FBXW7: variants seen among roughly 807,000 people sequenced by gnomAD.
The protein encoded by FBXW7 is F-box/WD repeat-containing protein 7.
A neutral mutation model predicts 86.3 loss-of-function variants in FBXW7; 11 were observed. The ratio of observed to expected loss-of-function variants is 0.13; its 90% CI spans 0.08 to 0.21. The LOEUF (loss-of-function observed/expected upper bound fraction) is 0.21. Among genes scored for constraint, FBXW7 ranks in the 10% least tolerant of loss-of-function variants. The probability of loss-of-function intolerance (pLI) is 1.00; values close to 1 mark genes in which losing one functional copy is unlikely to be tolerated. For synonymous variants in FBXW7, 313 were observed against 297.9 expected (o/e 1.05, Z -0.52); for missense variants, 488 against 847.4 (o/e 0.58, Z 5.27).
chr4:152,522,623 A>C (rs1749130639), intron 2 of FBXW7, among the ~76,000 whole-genome samples: 1 of 152,116 alleles, frequency 6.6e-6, no homozygotes, highest in Non-Finnish European at 1.5e-5. Context: ...ACGAGATACC[A>C]GTAGCACCCT....
intron 2 of FBXW7, among the ~76,000 whole-genome samples, chr4:152,507,396 A>G (rs1265154680): frequency 6.6e-6 from 1 of 152,264 alleles, no homozygotes; most frequent in Non-Finnish European, 1.5e-5. Flanking sequence ...AAAATTAAGG[A>G]AAAAATTCAA....
At chr4:152,326,333 G>T (rs878863411) in intron 11 of FBXW7, 102 bp from the exon 12 acceptor site, 87 of 644,064 alleles carry the variant, frequency 1.4e-4, no homozygotes, top group Non-Finnish European at 1.6e-4. Context: ...AGGTTTTTTA[G>T]CTTTTTTTTT....
At chr4:152,520,790 T>C (rs930453651) in intron 2 of FBXW7, among the ~76,000 whole-genome samples, 3 of 152,270 alleles carry the variant, frequency 2.0e-5, no homozygotes, top group South Asian at 2.1e-4. Flanking sequence ...GAGTCAAAAA[T>C]AGGAAGGTCG....
In FBXW7 at chr4:152,483,383, T is replaced by C. The variant is rs139444134; in HGVS notation, c.-120+51558A>G. ...TCAAATCTGTTTCCCTTTTTAGATA[T>C]ATGGCTCTTTATAGGGAAAAAAAAA... On this transcript the variant is annotated intron_variant, in intron 2 of 13. Coordinates refer to ENST00000281708, the MANE Select transcript of FBXW7 (RefSeq NM_001349798.2). 1.2e-4 allele frequency among the ~76,000 whole-genome samples: 18 copies of C among 151,474 alleles called. No homozygotes were observed. In the East Asian group the frequency reaches 2.5e-3, roughly 21 times the overall value.
intron 5 of FBXW7, among the ~76,000 whole-genome samples, chr4:152,349,292 C>CA (rs1038406479): frequency 7.0e-5 from 10 of 142,450 alleles, no homozygotes; most frequent in Non-Finnish European, 1.5e-4. Flanking sequence ...GGCAATTATA[C>CA]AAAAAATTCT....
chr4:152,509,204 G>C (rs897111071), intron 2 of FBXW7, among the ~76,000 whole-genome samples: 1 of 152,102 alleles, frequency 6.6e-6, no homozygotes, highest in Non-Finnish European at 1.5e-5. Flanking sequence ...TGAGAAAATG[G>C]GTGAAATCTG....
intron 8 of FBXW7, among the ~76,000 whole-genome samples, chr4:152,331,979 T>G (rs2126543345): frequency 6.6e-6 from 1 of 152,142 alleles, no homozygotes; most frequent in South Asian, 2.1e-4. Flanking sequence ...ATGAAGGGAA[T>G]AATCACCTAT....
intron 6 of FBXW7, among the ~76,000 whole-genome samples, chr4:152,346,448 A>T (rs1032687045): frequency 6.6e-6 from 1 of 152,242 alleles, no homozygotes; most frequent in Non-Finnish European, 1.5e-5. Flanking sequence ...GCACAGTTAC[A>T]CAAATAAGTA....
intron 4 of FBXW7, among the ~76,000 whole-genome samples, chr4:152,366,010 G>A (rs1275950032): frequency 6.6e-6 from 1 of 152,044 alleles, no homozygotes; most frequent in African/African-American, 2.4e-5. Context: ...AGCCACACAA[G>A]ACATACCCTA....
At chr4:152,416,135 C>T (rs973948547) in intron 2 of FBXW7, among the ~76,000 whole-genome samples, 1 of 152,110 alleles carries the variant, frequency 6.6e-6, no homozygotes, top group African/African-American at 2.4e-5. Flanking sequence ...ACTATTATCT[C>T]CAGCACCCAC....
At chr4:152,413,553 C>A (rs1738162082) in intron 2 of FBXW7, among the ~76,000 whole-genome samples, 1 of 152,056 alleles carries the variant, frequency 6.6e-6, no homozygotes, top group Non-Finnish European at 1.5e-5. Flanking sequence ...GAATTTAACA[C>A]CCAACTGAGT....
chr4:152,334,328 C>A (rs1729864402), intron 7 of FBXW7, among the ~76,000 whole-genome samples: 1 of 152,068 alleles, frequency 6.6e-6, no homozygotes, highest in African/African-American at 2.4e-5. Context: ...ACAGATACTC[C>A]AAAAGCTACT....
intron 2 of FBXW7, among the ~76,000 whole-genome samples, chr4:152,479,530 T>C (rs1483507332): frequency 6.6e-6 from 1 of 152,108 alleles, no homozygotes; most frequent in African/African-American, 2.4e-5. Context: ...CATGGCCAGT[T>C]TTCTTACAGA....
intron 8 of FBXW7, among the ~76,000 whole-genome samples, chr4:152,331,706 T>C (rs543796473): frequency 6.6e-6 from 1 of 152,084 alleles, no homozygotes; most frequent in African/African-American, 2.4e-5. Flanking sequence ...GAACTGTACA[T>C]ATAAAAATGG....
intron 2 of FBXW7, among the ~76,000 whole-genome samples, chr4:152,458,002 T>TTTTTG (rs747175585): frequency 2.3e-4 from 35 of 152,036 alleles, no homozygotes; most frequent in Middle Eastern, 3.2e-3. Context: ...CTTTCTTTGT[T>TTTTTG]TTTTGTTTTG....
At chr4:152,526,259 G>C (rs1163754288) in intron 2 of FBXW7, among the ~76,000 whole-genome samples, 1 of 151,880 alleles carries the variant, frequency 6.6e-6, no homozygotes, top group East Asian at 1.9e-4. Context: ...TTCTAGCTTA[G>C]ATTTTTTTCA....
In FBXW7 at chr4:152,535,433, C is replaced by A. The variant is rs1251315095; in HGVS notation, c.-519G>T. ...GGGGAAGGTGAGGAAAGGACGGCGGCGTCGGTCCTGTTCTCTCCGCCGCCC... is the reference window on the plus strand; with the variant it reads ...GGGGAAGGTGAGGAAAGGACGGCGGAGTCGGTCCTGTTCTCTCCGCCGCCC... On this transcript the variant is annotated 5_prime_UTR_variant, in exon 1 of 14. Coordinates refer to ENST00000281708, the MANE Select transcript of FBXW7 (RefSeq NM_001349798.2). 11 of 389,606 alleles carry A rather than the reference C, an allele frequency of 2.8e-5. No homozygotes were observed. Among genetic ancestry groups the A allele is most frequent in the Non-Finnish European group, 3.6e-5 (8 of 220,710 alleles). 24.1% of individuals were successfully genotyped at this position (389,606 alleles called of 1,614,324 possible).
At chr4:152,499,140 C>G (rs567022628) in intron 2 of FBXW7, among the ~76,000 whole-genome samples, 1 of 152,246 alleles carries the variant, frequency 6.6e-6, no homozygotes, top group Admixed American at 6.5e-5. Context: ...TCCTTCAGCC[C>G]TAGTACCATG....
intron 2 of FBXW7, among the ~76,000 whole-genome samples, chr4:152,413,345 AAAC>A (rs1041302407): frequency 4.7e-4 from 71 of 152,238 alleles, no homozygotes; most frequent in African/African-American, 1.7e-3. Context: ...GATGGCTAAC[AAAC>A]AACATTAAGT....
Sources: gnomAD v4.1 joint callset for allele counts (sites outside exome capture counted in the v4.1 genomes callset) on GRCh38, gnomAD v4.1.1 for gene constraint, MANE v1.5 for transcripts, NCBI Gene and HGNC (gene_info 2026-07-23, HGNC 2026-07-21) for gene names.